SETX: variants seen among roughly 807,000 people sequenced by gnomAD.
SETX encodes helicase senataxin.
Under a neutral mutation model 227.2 loss-of-function variants are expected in SETX, and 90 were observed. The ratio of observed to expected loss-of-function variants is 0.40; its 90% confidence interval spans 0.33 to 0.47. The LOEUF (loss-of-function observed/expected upper bound fraction) is 0.47. Ranked by LOEUF, SETX falls within the 20% of genes least tolerant of loss-of-function variation. SETX has a pLI of 0.91. For synonymous variants in SETX, 1,210 were observed against 1,113.2 expected, an observed-to-expected ratio of 1.09 and a Z score of -1.73; for missense variants, 3,052 against 3,181.5, an observed-to-expected ratio of 0.96 and a Z score of 0.98.
chr9:132,325,445 T>C (rs2131419290), intron 10 of SETX, among the ~76,000 whole-genome samples: 1 of 151,780 alleles, frequency 6.6e-6, no homozygotes, highest in East Asian at 1.9e-4. Context: ...TTCAATGTAA[T>C]TCACCCTTTG....
At position 132,264,376 on chromosome 9, in the gene SETX, T is replaced by C. The variant is rs758665606; in HGVS notation, c.7897A>G (p.Arg2633Gly). ...DDPEEELCHR[R>G]EARAFSEGEQ... ...CCTTCACTGAAAGCCCTGGCCTCTCTCCTGTGACAGAGCTCCTCTTCCGGG... is the reference window on the plus strand; with the variant it reads ...CCTTCACTGAAAGCCCTGGCCTCTCCCCTGTGACAGAGCTCCTCTTCCGGG... The change falls in exon 26 of 26, where the codon AGA (arginine) becomes GGA (glycine). Residue 2633 changes from arginine to glycine, a missense_variant. Transcript: ENST00000224140. The C allele has an allele frequency of 6.2e-7, 1 of 1,614,152 alleles. No homozygotes were observed. Among genetic ancestry groups the C allele is most frequent in the South Asian group, 1.1e-5 (1 of 91,064 alleles).
chr9:132,288,241 T>C lies in SETX; in HGVS notation c.6319A>G (p.Ile2107Val). The C allele has an allele frequency of 2.5e-6, 4 of 1,613,546 alleles. No homozygotes were observed. The highest frequency in any genetic ancestry group is 1.1e-5 in the South Asian group (1 of 91,068). Reference sequence around the variant, plus strand: ...TTCAAGAAATGCAAAGATACCTGTATTTCCCGTCCACCTCGGCATAGAGCT... The same window carrying C: ...TTCAAGAAATGCAAAGATACCTGTACTTCCCGTCCACCTCGGCATAGAGCT... ...QRALCRGGRE[I>V]QRQELDENIS... Residue 2107 changes from isoleucine to valine, a missense_variant, in exon 17 of 26, where the codon ATA becomes GTA. By Grantham distance (29) the Ile-to-Val change is conservative (BLOSUM62 3). This residue lies in a region of SETX where 412 missense variants were observed against 589.0 expected (regional missense o/e 0.70). Transcript: ENST00000224140.
In SETX at chr9:132,328,853, A is replaced by C; in HGVS notation, c.2745T>G (p.Asp915Glu). ...CTCTTGATTCAGGTACAGTCATAAGATCTTTAAAGGGAGATGATTTCTTCT... is the reference window on the plus strand; with the variant it reads ...CTCTTGATTCAGGTACAGTCATAAGCTCTTTAAAGGGAGATGATTTCTTCT... ...ASEKKSSPFK[D>E]LMTVPESRDE... Residue 915 changes from aspartate (D) to glutamate (E), a missense_variant, in exon 10 of 26, where the codon GAT becomes GAG. Coordinates refer to ENST00000224140, the MANE Select transcript of SETX (RefSeq NM_015046.7). 6.2e-7 allele frequency: 1 copy of C among 1,613,952 alleles called. No individual in the cohort carries two copies. The highest frequency in any genetic ancestry group is 8.5e-7 in the Non-Finnish European group (1 of 1,179,944).
chr9:132,313,412 T>C (rs988797204), intron 10 of SETX, among the ~76,000 whole-genome samples: 1 of 152,196 alleles, frequency 6.6e-6, no homozygotes, highest in African/African-American at 2.4e-5. Flanking sequence ...TTGGGCCTAA[T>C]ATTAACTTCT....
intron 7 of SETX, among the ~76,000 whole-genome samples, chr9:132,332,614 G>C (rs1364029876): frequency 6.6e-6 from 1 of 152,210 alleles, no homozygotes; most frequent in Non-Finnish European, 1.5e-5. Flanking sequence ...GTTTCTCAAA[G>C]AGGTAATTAA....
rs1174201273 is a variant in SETX, at chr9:132,300,778, A to G, written c.5400T>C (p.Ala1800=). 1.2e-6 allele frequency: 2 copies of G among 1,613,348 alleles called. No individual in the cohort carries two copies. Among genetic ancestry groups the G allele is most frequent in the Non-Finnish European group, 1.7e-6 (2 of 1,179,890 alleles). Residue 1800 remains alanine, a synonymous_variant, in exon 12 of 26, where the codon GCT becomes GCC. Coordinates refer to ENST00000224140, the MANE Select transcript of SETX (RefSeq NM_015046.7). ...CGTTTTCCTTTGGATAAAGCTGTTT[A>G]GCCAGTTCACATTCTTCCAGATAAA... ...FAVYLEECEL[A]KQLYPKENDL...
Position 132,330,314 on chromosome 9 carries a change from G to A in SETX, c.1284C>T (p.Tyr428=), listed in dbSNP as rs542367643. Residue 428 remains tyrosine (Y), a synonymous_variant, in exon 10 of 26, where the codon TAC becomes TAT. Coordinates refer to ENST00000224140, the MANE Select transcript of SETX (RefSeq NM_015046.7). ...ACAGATGATTAACAACCTGTGCTAT[G>A]TAAGCCACACCCAAATCCTTAAGAT... ...LMDLKDLGVA[Y]IAQVVNHLYS... is the part of the protein sequence containing the mutation. The A allele has an allele frequency of 3.7e-6, 6 of 1,612,200 alleles. No individual in the cohort carries two copies. In the East Asian group the frequency reaches 6.7e-5, roughly 18 times the overall value.
chr9:132,298,457 C>A, intron 12 of SETX, 145 bp from the exon 13 acceptor site: 1 of 750,182 alleles, frequency 1.3e-6, no homozygotes, highest in Non-Finnish European at 2.3e-6. Flanking sequence ...TGGACTGCTT[C>A]CTGAACCCAG....
intron 23 of SETX, 188 bp downstream of exon 23, chr9:132,275,068 G>T: frequency 1.6e-6 from 1 of 609,970 alleles, no homozygotes. Flanking sequence ...CAACTGCCAG[G>T]AAGTAACCTG....
chr9:132,320,402 C>T (rs1166305), intron 10 of SETX, among the ~76,000 whole-genome samples: 103,245 of 151,814 alleles, frequency 0.68, 38,539 homozygotes, highest in Non-Finnish European at 0.84. Context: ...AGTGAAACCC[C>T]GTCGCTACTA....
At chr9:132,302,427 A>G in intron 11 of SETX, among the ~76,000 whole-genome samples, 1 of 150,792 alleles carries the variant, frequency 6.6e-6, no homozygotes, top group East Asian at 1.9e-4. Flanking sequence ...TGGGAGGCCG[A>G]GACGGGCGGA....
intron 20 of SETX, among the ~76,000 whole-genome samples, chr9:132,280,940 G>A (rs1843466305): frequency 6.6e-6 from 1 of 152,076 alleles, no homozygotes; most frequent in South Asian, 2.1e-4. Context: ...ACTTTCAGAT[G>A]ATGTGAAGGG....
At position 132,288,530 on chromosome 9, in the gene SETX, A is replaced by G. The variant is rs767011737; in HGVS notation, c.6208+20T>C. 5 of 1,570,866 alleles carry G rather than the reference A, an allele frequency of 3.2e-6. No homozygotes were observed. In the South Asian group the frequency reaches 5.5e-5, roughly 17 times the overall value. Reference sequence around the variant, plus strand: ...AACAAAACAGAGAAAACACTAGTATATACCACATTCAGTACTTACTCATTC... The same window carrying G: ...AACAAAACAGAGAAAACACTAGTATGTACCACATTCAGTACTTACTCATTC... On this transcript the variant is annotated intron_variant, in intron 16 of 25. Transcript: ENST00000224140.
At position 132,329,741 on chromosome 9, in the gene SETX, A is replaced by G. The variant is rs765745176; in HGVS notation, c.1857T>C (p.Tyr619=). Residue 619 remains tyrosine (Y), a synonymous_variant, in exon 10 of 26, where the codon TAT becomes TAC. Transcript: ENST00000224140. ...CCATTTGTTCACTTTCTTCTTTATT[A>G]TAAGATGCAGGAGAGATTTTACATG... ...TSACKISPAS[Y]NKEESEQMGK... The G allele has an allele frequency of 4.3e-6, 7 of 1,614,090 alleles. No individual in the cohort carries two copies. The highest frequency in any genetic ancestry group is 1.6e-4 in the Middle Eastern group (1 of 6,062).
intron 20 of SETX, among the ~76,000 whole-genome samples, chr9:132,280,494 A>C (rs1843437524): frequency 6.6e-6 from 1 of 152,178 alleles, no homozygotes; most frequent in Non-Finnish European, 1.5e-5. Context: ...ACGGGTTTTC[A>C]CTGGGTGACG....
At position 132,329,796 on chromosome 9, in the gene SETX, G is replaced by A. The variant is rs1471191975; in HGVS notation, c.1802C>T (p.Pro601Leu). 6.2e-7 allele frequency: 1 copy of A among 1,614,006 alleles called. No individual in the cohort carries two copies. Among genetic ancestry groups the A allele is most frequent in the Non-Finnish European group, 8.5e-7 (1 of 1,179,994 alleles). The change falls in exon 10 of 26, where the codon CCA becomes CTA. Residue 601 changes from proline to leucine, a missense_variant. By Grantham distance (98) the Pro-to-Leu change is moderately conservative. This residue lies in a region of SETX where 1,483 missense variants were observed against 1,312.0 expected (regional missense o/e 1.13). Coordinates refer to ENST00000224140, the MANE Select transcript of SETX (RefSeq NM_015046.7). ...AGTCAGATCCACAAAAGTGTTACAT[G>A]GAGGTGCTTTGAATTTTATGTTTCT... ...IIRNIKFKAPPCNTFVDLTSA... is the reference protein window; with the variant it reads ...IIRNIKFKAPLCNTFVDLTSA...
Position 132,295,926 on chromosome 9 carries a change from T to C in SETX, c.6052A>G (p.Lys2018Glu), listed in dbSNP as rs1554811438. 2 of 1,614,130 alleles carry C rather than the reference T, an allele frequency of 1.2e-6. No homozygotes were observed. The highest frequency in any genetic ancestry group is 1.7e-6 in the Non-Finnish European group (2 of 1,179,970). ...PSNAAVDELM[K>E]KIILEFKEKC... ...TCTTTGAATTCAAGGATAATTTTTT[T>C]CATGAGTTCATCAACAGCTGCATTG... Residue 2018 changes from lysine to glutamate, a missense_variant, in exon 15 of 26, where the codon AAA becomes GAA. Around this residue, in one of 10 missense-constraint regions of SETX, gnomAD observed 412 missense variants for 589.0 expected, o/e 0.70. Transcript: ENST00000224140.
chr9:132,272,235 T>C (rs1215578558), intron 23 of SETX, among the ~76,000 whole-genome samples: 14 of 152,098 alleles, frequency 9.2e-5, no homozygotes, highest in Admixed American at 5.9e-4. Context: ...AGCATATTCA[T>C]AGCTCACAGT....
chr9:132,333,687 G>C lies in SETX; in HGVS notation c.838+921C>G, dbSNP rs1043962957. On this transcript the variant is annotated intron_variant, in intron 7 of 25. Coordinates refer to ENST00000224140, the MANE Select transcript of SETX (RefSeq NM_015046.7). ...CATGATTAGCATGATACAAGCATCA[G>C]CAAAAGGAGGTCAGGATCTAATAAT... is the stretch of plus-strand genomic sequence containing the variant. 9.2e-5 allele frequency among the ~76,000 whole-genome samples: 14 copies of C among 151,972 alleles called. 1 individual carries two copies. The highest frequency in any genetic ancestry group is 7.2e-4 in the Admixed American group (11 of 15,246).
Sources: gnomAD v4.1 joint callset for allele counts (sites outside exome capture counted in the v4.1 genomes callset) on GRCh38, gnomAD v4.1.1 for gene constraint, gnomAD v4.1.1 regional missense constraint, MANE v1.5 for transcripts, NCBI Gene and HGNC (gene_info 2026-07-23, HGNC 2026-07-21) for gene names.